Variants in FMN2 observed in about 807,000 individuals in gnomAD.
FMN2 encodes the protein formin-2.
In FMN2, 51 loss-of-function variants were observed where a neutral mutation model predicts 142.3. That is an observed-to-expected ratio of 0.36 (90% CI 0.29 to 0.45). The LOEUF is 0.45. Ranked by LOEUF, FMN2 falls within the 20% of genes least tolerant of loss-of-function variation. The probability of loss-of-function intolerance (pLI) is 1.00; values close to 1 mark genes in which losing one functional copy is unlikely to be tolerated. For missense variants in FMN2, 1,936 were observed against 2,122.8 expected (o/e 0.91, Z 1.73); for synonymous variants, 882 against 869.8 (o/e 1.01, Z -0.25).
intron 2 of FMN2, among the ~76,000 whole-genome samples, chr1:240,168,250 C>G (rs1664559952): frequency 6.6e-6 from 1 of 152,008 alleles, no homozygotes; most frequent in Non-Finnish European, 1.5e-5. Context: ...ACCTTTTATC[C>G]AGCCAGTCAG....
intron 2 of FMN2, chr1:240,170,494 T>G (rs1664658388): frequency 6.7e-7 from 1 of 1,491,502 alleles, no homozygotes; most frequent in Admixed American, 1.7e-5. Flanking sequence ...ATCCTAAAAC[T>G]AACCTTGCCA....
chr1:240,099,389 C>G (rs539889725), intron 1 of FMN2, among the ~76,000 whole-genome samples: 1 of 146,196 alleles, frequency 6.8e-6, no homozygotes, highest in Non-Finnish European at 1.5e-5. Context: ...TGTCACTTAT[C>G]AGATATTCTG....
At chr1:240,126,089 T>C (rs546963113) in intron 2 of FMN2, among the ~76,000 whole-genome samples, 3 of 152,320 alleles carry the variant, frequency 2.0e-5, no homozygotes, top group East Asian at 3.9e-4. Flanking sequence ...AACAGAACTA[T>C]GCGTTCATTG....
intron 3 of FMN2, chr1:240,180,225 C>A: frequency 6.6e-6 from 8 of 1,217,816 alleles, no homozygotes; most frequent in Non-Finnish European, 8.7e-6. Context: ...TCTTGTTGAT[C>A]TATAAACCCC....
intron 7 of FMN2, among the ~76,000 whole-genome samples, chr1:240,290,634 A>G (rs1035751226): frequency 2.0e-5 from 3 of 152,190 alleles, no homozygotes; most frequent in Non-Finnish European, 4.4e-5. Flanking sequence ...AGAGAAGTTT[A>G]GTGTCTTGAT....
At chr1:240,443,706 T>A (rs1305891242) in intron 16 of FMN2, among the ~76,000 whole-genome samples, 2 of 152,038 alleles carry the variant, frequency 1.3e-5, no homozygotes, top group Non-Finnish European at 2.9e-5. Flanking sequence ...TGAGCTGAGA[T>A]CACGCCACTG....
chr1:240,300,898 G>GTTT (rs10693362), intron 8 of FMN2, among the ~76,000 whole-genome samples: 19,347 of 142,588 alleles, frequency 0.14, 1,757 homozygotes, highest in East Asian at 0.29. Context: ...CTGTGTGCAT[G>GTTT]TTTTTTTTTT....
chr1:240,250,115 G>A (rs183197633), intron 6 of FMN2, among the ~76,000 whole-genome samples: 79 of 152,146 alleles, frequency 5.2e-4, no homozygotes, highest in African/African-American at 1.5e-3. Flanking sequence ...AGGAATTCTA[G>A]CACTATGTTA....
intron 1 of FMN2, among the ~76,000 whole-genome samples, chr1:240,113,704 A>G (rs1254869496): frequency 6.6e-6 from 1 of 152,180 alleles, no homozygotes; most frequent in African/African-American, 2.4e-5. Flanking sequence ...AGGAAGAGAA[A>G]TAAAAGTTCA....
chr1:240,112,605 A>C (rs1200309373), intron 1 of FMN2, among the ~76,000 whole-genome samples: 1 of 152,214 alleles, frequency 6.6e-6, no homozygotes, highest in Non-Finnish European at 1.5e-5. Flanking sequence ...ATTTCTCAGA[A>C]ACTAGCATTT....
At chr1:240,440,562 T>C (rs2103185482) in intron 16 of FMN2, among the ~76,000 whole-genome samples, 1 of 152,306 alleles carries the variant, frequency 6.6e-6, no homozygotes, top group African/African-American at 2.4e-5. Context: ...GGGTTCACAC[T>C]TGGTGAACTT....
intron 2 of FMN2, among the ~76,000 whole-genome samples, chr1:240,151,414 T>C (rs1229675170): frequency 3.3e-5 from 5 of 152,050 alleles, no homozygotes; most frequent in Admixed American, 2.6e-4. Context: ...TTTCTTTCTG[T>C]GAAAAGAGAC....
In FMN2 at chr1:240,427,171, T is replaced by TTTTATATATATATATATATATA. The variant is rs1222415126; in HGVS notation, c.4911-10889_4911-10888insTTATATATATATATATATATAT. ...TAGTTCATGTATGTTACAACTGATT[T>TTTTATATATATATATATATATA]TATATATATATATATATATATGGTT... On this transcript the variant is annotated intron_variant, in intron 15 of 17. Coordinates refer to ENST00000319653, the MANE Select transcript of FMN2 (RefSeq NM_020066.5). Among the ~76,000 whole-genome samples, 222 of 136,880 alleles carry TTTTATATATATATATATATATA rather than the reference T, an allele frequency of 1.6e-3. 4 individuals carry two copies. Among genetic ancestry groups the TTTTATATATATATATATATATA allele is most frequent in the African/African-American group, 6.8e-3 (212 of 31,044 alleles). 89.8% of individuals were successfully genotyped at this position (136,880 alleles called of 152,430 possible).
At chr1:240,123,413 T>G in intron 2 of FMN2, 68 bp downstream of exon 2, 1 of 1,485,142 alleles carries the variant, frequency 6.7e-7, no homozygotes, top group Non-Finnish European at 9.1e-7. Flanking sequence ...ACGATGTGTA[T>G]CTGCCCAGTC....
chr1:240,250,069 C>T (rs1459999830), intron 6 of FMN2, among the ~76,000 whole-genome samples: 1 of 152,054 alleles, frequency 6.6e-6, no homozygotes, highest in Non-Finnish European at 1.5e-5. Flanking sequence ...AGTTTGGAAT[C>T]CTTTTATTTC....
chr1:240,374,427 G>A (rs1261772111), intron 14 of FMN2, among the ~76,000 whole-genome samples: 1 of 152,182 alleles, frequency 6.6e-6, no homozygotes, highest in African/African-American at 2.4e-5. Context: ...CTGAAAATCT[G>A]TTGTAGTGTA....
At chr1:240,188,787 AAAAG>A (rs1665586162) in intron 4 of FMN2, among the ~76,000 whole-genome samples, 1 of 152,224 alleles carries the variant, frequency 6.6e-6, no homozygotes, top group Non-Finnish European at 1.5e-5. Context: ...GGCAATTTAC[AAAAG>A]AAAGAGGCTT....
chr1:240,131,823 A>AAGG (rs1215138672), intron 2 of FMN2, among the ~76,000 whole-genome samples: 1 of 152,218 alleles, frequency 6.6e-6, no homozygotes, highest in Non-Finnish European at 1.5e-5. Context: ...GATGCGTAGA[A>AAGG]AGGAGACCAG....
chr1:240,177,787 G>T (rs1372790618), intron 2 of FMN2, 134 bp from the exon 3 acceptor site: 13 of 672,806 alleles, frequency 1.9e-5, no homozygotes, highest in East Asian at 3.3e-5. Flanking sequence ...GTATAAAAAT[G>T]CTGTTTTAAT....
Sources: allele counts gnomAD v4.1 joint callset (sites outside exome capture counted in the v4.1 genomes callset), GRCh38; gene constraint gnomAD v4.1.1; transcripts MANE v1.5; gene names NCBI Gene and HGNC (gene_info 2026-07-23, HGNC 2026-07-21).